STK32B: variants seen among roughly 807,000 people sequenced by gnomAD.
STK32B encodes serine/threonine kinase 32B, also known as serine/threonine-protein kinase 32B.
Under a neutral mutation model 52.6 loss-of-function variants are expected in STK32B, and 43 were observed. That is an observed-to-expected ratio of 0.82 (90% CI 0.64 to 1.05). The LOEUF is 1.05. Among genes scored for constraint, STK32B ranks in the 50% least tolerant of loss-of-function variants. The pLI, the probability that STK32B is intolerant of heterozygous loss-of-function variation, is 0.00. For synonymous variants in STK32B, 238 were observed against 204.3 expected (o/e 1.17, Z -1.41); for missense variants, 621 against 534.6 (o/e 1.16, Z -1.59).
At chr4:5,147,542 A>G (rs1306257677) in intron 2 of STK32B, among the ~76,000 whole-genome samples, 6 of 152,080 alleles carry the variant, frequency 3.9e-5, no homozygotes, top group Non-Finnish European at 8.8e-5. Flanking sequence ...CTTCATTAAG[A>G]ACATCTTTAC....
intron 7 of STK32B, among the ~76,000 whole-genome samples, chr4:5,455,764 C>T (rs939523041): frequency 5.3e-5 from 8 of 152,144 alleles, no homozygotes; most frequent in Non-Finnish European, 1.2e-4. Flanking sequence ...GCCCCGAGAA[C>T]ACAGAAATGA....
chr4:5,177,060 A>G (rs1367456869), intron 3 of STK32B, among the ~76,000 whole-genome samples: 3 of 152,204 alleles, frequency 2.0e-5, no homozygotes, highest in Non-Finnish European at 4.4e-5. Context: ...TTCTGTAAGT[A>G]AAAATATTGT....
chr4:5,230,178 C>CTTTTTTTTT lies in STK32B; in HGVS notation c.260+61751_260+61759dup, dbSNP rs752036100. On this transcript the variant is annotated intron_variant, in intron 3 of 11. Coordinates refer to ENST00000282908, the MANE Select transcript of STK32B (RefSeq NM_018401.3). ...AGAAGAACACTCAAGCATGCATTCC[C>CTTTTTTTTT]TTTTTTTTTTTTTTTTTTTTTTTTT... is the stretch of plus-strand genomic sequence containing the variant. Among the ~76,000 whole-genome samples, 105 of 71,124 alleles carry CTTTTTTTTT rather than the reference C, an allele frequency of 1.5e-3. 7 individuals carry two copies. Among genetic ancestry groups the CTTTTTTTTT allele is most frequent in the African/African-American group, 5.7e-3 (73 of 12,902 alleles). The allele number at this position is 71,124 out of a possible 152,430, so 46.7% of individuals were successfully genotyped here. A position where few individuals can be genotyped will look rare whatever the true frequency, so the allele number is the denominator to read the frequency against.
chr4:5,099,454 G>GCGCACACGCGCGTGCGCGCGCACA (rs1553823532), intron 1 of STK32B, among the ~76,000 whole-genome samples: 1 of 129,744 alleles, frequency 7.7e-6, no homozygotes. Flanking sequence ...GTGTGTGCGC[G>GCGCACACGCGCGTGCGCGCGCACA]CGCGCGTATG....
intron 6 of STK32B, among the ~76,000 whole-genome samples, chr4:5,439,643 A>G (rs1714510082): frequency 6.6e-6 from 1 of 152,040 alleles, no homozygotes; most frequent in Non-Finnish European, 1.5e-5. Flanking sequence ...TTTTGTTGCC[A>G]TTGCTTTTGC....
At chr4:5,472,295 C>T (rs1036882151) in intron 11 of STK32B, among the ~76,000 whole-genome samples, 2 of 152,230 alleles carry the variant, frequency 1.3e-5, no homozygotes, top group Non-Finnish European at 2.9e-5. Context: ...ACACAGGGGC[C>T]ACTGTGGGGA....
chr4:5,089,119 A>C (rs1049926847), intron 1 of STK32B, among the ~76,000 whole-genome samples: 1 of 152,122 alleles, frequency 6.6e-6, no homozygotes, highest in South Asian at 2.1e-4. Flanking sequence ...CATTTCTACT[A>C]ACCTTACAGA....
At chr4:5,491,177 T>C (rs1719699808) in intron 11 of STK32B, among the ~76,000 whole-genome samples, 1 of 152,216 alleles carries the variant, frequency 6.6e-6, no homozygotes, top group Non-Finnish European at 1.5e-5. Flanking sequence ...TGAACTAGTT[T>C]ACAGTCCCAC....
chr4:5,419,765 T>C (rs1195423338), intron 6 of STK32B, among the ~76,000 whole-genome samples: 1 of 152,238 alleles, frequency 6.6e-6, no homozygotes, highest in Admixed American at 6.5e-5. Flanking sequence ...GTTTTTGGTT[T>C]AGTGATCTAT....
chr4:5,088,780 G>A (rs1242555041), intron 1 of STK32B, among the ~76,000 whole-genome samples: 2 of 151,742 alleles, frequency 1.3e-5, no homozygotes, highest in African/African-American at 4.8e-5. Context: ...AAACCTTTAT[G>A]GTATGCAGTG....
intron 3 of STK32B, among the ~76,000 whole-genome samples, chr4:5,330,975 A>G (rs1160863739): frequency 1.3e-5 from 2 of 152,124 alleles, no homozygotes. Context: ...GAGCCTGGGA[A>G]CTAATGCTGG....
chr4:5,414,913 C>T lies in STK32B; in HGVS notation c.473-1932C>T, dbSNP rs140675754. ...CCAAACTTTTGAAAGAGGGAGAAGG[C>T]GCAAGAAAACCAAACAAAAACCATA... On this transcript the variant is annotated intron_variant, in intron 5 of 11. Transcript: ENST00000282908. Among the ~76,000 whole-genome samples the T allele has an allele frequency of 1.5e-3, 235 of 152,246 alleles. 1 individual carries two copies. The highest frequency in any genetic ancestry group is 5.3e-3 in the African/African-American group (220 of 41,522).
chr4:5,366,258 A>T (rs7697839), intron 4 of STK32B, among the ~76,000 whole-genome samples: 5 of 152,156 alleles, frequency 3.3e-5, no homozygotes, highest in Non-Finnish European at 5.9e-5. Flanking sequence ...GGGTTGAAGC[A>T]ATAAAGGGAA....
At chr4:5,444,093 G>A (rs1199459137) in intron 6 of STK32B, among the ~76,000 whole-genome samples, 2 of 152,216 alleles carry the variant, frequency 1.3e-5, no homozygotes, top group Non-Finnish European at 2.9e-5. Context: ...AGCCTACAGA[G>A]GCAGGCAGGC....
At position 5,496,108 on chromosome 4, in the gene STK32B, C is replaced by G. The variant is rs796522692; in HGVS notation, c.1107-2837C>G. ...GGGAGAACCACTGCTCTCTTCAAAG[C>G]TGTCAGACAGGGACATTTAAGTCTG... is the stretch of plus-strand genomic sequence containing the variant. On this transcript the variant is annotated intron_variant, in intron 11 of 11. Coordinates refer to ENST00000282908, the MANE Select transcript of STK32B (RefSeq NM_018401.3). 9.2e-5 allele frequency among the ~76,000 whole-genome samples: 14 copies of G among 152,352 alleles called. No individual in the cohort carries two copies. In the South Asian group the frequency reaches 2.9e-3, roughly 32 times the overall value.
intron 2 of STK32B, among the ~76,000 whole-genome samples, chr4:5,159,487 C>CATATGAATATATATATGAATATAT (rs558988282): frequency 1.5e-5 from 2 of 137,368 alleles, no homozygotes; most frequent in African/African-American, 2.8e-5. Flanking sequence ...TATATGAATA[C>CATATGAATATATATATGAATATAT]ATATGAATAT....
chr4:5,343,525 C>T (rs1207269553), intron 4 of STK32B, among the ~76,000 whole-genome samples: 1 of 152,158 alleles, frequency 6.6e-6, no homozygotes, highest in Non-Finnish European at 1.5e-5. Flanking sequence ...GGAATCGCCA[C>T]ACTGACTTCC....
At chr4:5,176,737 C>T (rs1719934756) in intron 3 of STK32B, among the ~76,000 whole-genome samples, 2 of 152,152 alleles carry the variant, frequency 1.3e-5, no homozygotes, top group African/African-American at 2.4e-5. Flanking sequence ...AGTCACTGTG[C>T]CCAGCCTTAG....
rs138881193 is a variant in STK32B, at chr4:5,247,426, G to A, written c.260+78976G>A. On this transcript the variant is annotated intron_variant, in intron 3 of 11. Coordinates refer to ENST00000282908, the MANE Select transcript of STK32B (RefSeq NM_018401.3). The stretch of plus-strand genomic sequence containing the variant: ...CGTTTGTTAAGCCTGTTGGAAGAGC[G>A]CAGTGTTAGGGTGGGAGTGACCCGA... Among the ~76,000 whole-genome samples the A allele has an allele frequency of 7.5e-3, 1,148 of 152,272 alleles. 19 individuals are homozygous for A. The highest frequency in any genetic ancestry group is 0.075 in the East Asian group (387 of 5,150).
Sources: allele counts gnomAD v4.1 joint callset (sites outside exome capture counted in the v4.1 genomes callset), GRCh38; gene constraint gnomAD v4.1.1; transcripts MANE v1.5; gene names NCBI Gene and HGNC (gene_info 2026-07-23, HGNC 2026-07-21).